Variants in CPAMD8 observed in about 807,000 individuals in gnomAD.
CPAMD8 encodes the protein C3 and PZP-like alpha-2-macroglobulin domain-containing protein 8.
CPAMD8 carries 146 observed loss-of-function variants against 224.7 expected under a neutral mutation model. The observed-to-expected ratio is 0.65, with a 90% CI of 0.57 to 0.75. CPAMD8 has a LOEUF of 0.75. CPAMD8 is among the 30% of genes least tolerant of loss of function. The pLI, the probability that CPAMD8 is intolerant of heterozygous loss-of-function variation, is 0.00. For missense variants in CPAMD8, 2,301 were observed against 2,537.5 expected (o/e 0.91, Z 2.00); for synonymous variants, 966 against 1,044.6 (o/e 0.92, Z 1.45).
rs567810931 is a variant in CPAMD8, at chr19:16,909,248, T to C, written c.3862-2131A>G. Among the ~76,000 whole-genome samples, 13 of 152,246 alleles carry C rather than the reference T, an allele frequency of 8.5e-5. No individual in the cohort carries two copies. The East Asian group carries it at 2.3e-3, about 27-fold the overall frequency. On this transcript the variant is annotated intron_variant, in intron 29 of 41. Coordinates refer to ENST00000443236, the MANE Select transcript of CPAMD8 (RefSeq NM_015692.5). ...CCTCAAATCCAATGACAAATATCTT[T>C]AAAAAATTTTTTTTGGCTGGGCACG...
At chr19:16,895,899 GCA>G (rs753004570) in intron 41 of CPAMD8, 30 of 546,128 alleles carry the variant, frequency 5.5e-5, no homozygotes, top group Non-Finnish European at 8.2e-5. Context: ...GCGCGCGCGC[GCA>G]CGCACACACA....
chr19:17,002,478 TCCACACCACTCTGCTGAGCAGC>T, intron 8 of CPAMD8, 128 bp from the exon 9 acceptor site: 1 of 622,560 alleles, frequency 1.6e-6, no homozygotes, highest in Non-Finnish European at 3.0e-6. Flanking sequence ...ACTGTACCCA[TCCACACCACTCTGCTGAGCAGC>T]CCTGGGGATT....
intron 23 of CPAMD8, among the ~76,000 whole-genome samples, chr19:16,930,612 G>A (rs1286030943): frequency 6.6e-6 from 1 of 152,122 alleles, no homozygotes; most frequent in Non-Finnish European, 1.5e-5. Flanking sequence ...AAGGGTGAGT[G>A]AACCCCCGTG....
At chr19:16,910,739 G>C (rs1363832651) in intron 29 of CPAMD8, 1 of 152,878 alleles carries the variant, frequency 6.5e-6, no homozygotes, top group Non-Finnish European at 1.5e-5. Flanking sequence ...TCCTGCCTCA[G>C]CCTCCCGAGT....
chr19:17,000,937 CTA>C (rs1397003820), intron 9 of CPAMD8, among the ~76,000 whole-genome samples: 4 of 152,204 alleles, frequency 2.6e-5, no homozygotes, highest in African/African-American at 9.6e-5. Flanking sequence ...GGGACTCAAA[CTA>C]CCCTCTCAGG....
At chr19:16,911,592 C>T (rs2052730699) in intron 29 of CPAMD8, among the ~76,000 whole-genome samples, 1 of 152,098 alleles carries the variant, frequency 6.6e-6, no homozygotes, top group Non-Finnish European at 1.5e-5. Context: ...CTTGCCCGGG[C>T]TGGAGTGCAG....
chr19:16,947,085 T>C lies in CPAMD8; in HGVS notation c.2651A>G (p.Asn884Ser), dbSNP rs369795684. The C allele has an allele frequency of 3.9e-5, 62 of 1,609,008 alleles. No individual in the cohort carries two copies. The highest frequency in any genetic ancestry group is 4.8e-5 in the Non-Finnish European group (57 of 1,177,180). The change falls in exon 21 of 42, where the codon AAC becomes AGC. Residue 884 changes from asparagine (N) to serine (S), a missense_variant. Physicochemically the swap from Asn to Ser is conservative, Grantham distance 46. This residue lies in a region of CPAMD8 where 1,709 missense variants were observed against 1,753.2 expected (regional missense o/e 0.97). Transcript: ENST00000443236. ...VVLSFSDLGL[N>S]NITAKALAYG... is the part of the protein sequence containing the mutation. ...TGTGGGGTCCTCACCCGTGATGTTGTTGAGTCCCAGGTCGCTGAAGGACAG... is the reference window on the plus strand; with the variant it reads ...TGTGGGGTCCTCACCCGTGATGTTGCTGAGTCCCAGGTCGCTGAAGGACAG...
intron 13 of CPAMD8, 104 bp downstream of exon 13, chr19:16,989,539 G>C (rs918868292): frequency 2.1e-6 from 3 of 1,401,402 alleles, no homozygotes; most frequent in East Asian, 2.4e-5. Flanking sequence ...CGCCTGCCTC[G>C]GCCTCCCAAA....
At chr19:16,904,176 A>ACCCCCCCCCCCCCCCCCCCACCCCC in intron 32 of CPAMD8, 50 bp downstream of exon 32, 1 of 937,340 alleles carries the variant, frequency 1.1e-6, no homozygotes, top group Non-Finnish European at 1.7e-6. Context: ...GACTGCAGGG[A>ACCCCCCCCCCCCCCCCCCCACCCCC]CCCCACCCAC....
intron 5 of CPAMD8, among the ~76,000 whole-genome samples, chr19:17,010,616 G>C (rs2056618923): frequency 6.6e-6 from 1 of 152,092 alleles, no homozygotes; most frequent in Non-Finnish European, 1.5e-5. Context: ...CAGGCCAAGT[G>C]TTCAGGGCCA....
At chr19:16,982,085 G>A (rs4808060) in intron 13 of CPAMD8, among the ~76,000 whole-genome samples, 61,252 of 151,950 alleles carry the variant, frequency 0.4, 13,437 homozygotes, top group African/African-American at 0.59. Flanking sequence ...GTGAGATCCC[G>A]TCTCTACAAA....
chr19:16,895,483 A>T (rs759828234), intron 41 of CPAMD8: 2 of 186,160 alleles, frequency 1.1e-5, no homozygotes, highest in Non-Finnish European at 2.3e-5. Flanking sequence ...TAACAAAATT[A>T]CAGACGGGTA....
At chr19:16,940,546 ACAGT>A (rs2053853421) in intron 22 of CPAMD8, among the ~76,000 whole-genome samples, 1 of 152,136 alleles carries the variant, frequency 6.6e-6, no homozygotes, top group African/African-American at 2.4e-5. Flanking sequence ...AGTGCTACTG[ACAGT>A]CAGTTCTTGT....
chr19:16,950,794 A>G (rs1394183926), intron 20 of CPAMD8, among the ~76,000 whole-genome samples: 2 of 110,734 alleles, frequency 1.8e-5, no homozygotes, highest in East Asian at 2.2e-4. Flanking sequence ...CCCTGTCTCG[A>G]AAAAAAAAAA....
intron 9 of CPAMD8, among the ~76,000 whole-genome samples, chr19:17,001,770 C>T (rs1044114736): frequency 1.6e-5 from 2 of 123,150 alleles, no homozygotes; most frequent in Admixed American, 8.7e-5. Context: ...GGGGGAAGCC[C>T]GGTTGTTGGG....
chr19:16,906,354 CTTTCTTT>C (rs1388371632), intron 30 of CPAMD8, among the ~76,000 whole-genome samples: 1 of 32,048 alleles, frequency 3.1e-5, no homozygotes, highest in Non-Finnish European at 6.4e-5. Context: ...TTCTTTCTTT[CTTTCTTT>C]CTTTCTTTCT....
intron 21 of CPAMD8, 146 bp from the exon 22 acceptor site, chr19:16,945,825 A>G (rs2054056080): frequency 1.3e-6 from 1 of 761,706 alleles, no homozygotes; most frequent in South Asian, 1.6e-5. Context: ...GTGTGCATGC[A>G]TGCAAGTGTG....
intron 10 of CPAMD8, 118 bp from the exon 11 acceptor site, chr19:16,997,456 A>T: frequency 8.9e-6 from 6 of 677,460 alleles, no homozygotes; most frequent in Non-Finnish European, 8.2e-6. Flanking sequence ...GCCAGGGGTC[A>T]CTTGGTGGCA....
intron 30 of CPAMD8, among the ~76,000 whole-genome samples, chr19:16,905,569 G>GAAA (rs397955787): frequency 2.9e-4 from 27 of 92,688 alleles, no homozygotes; most frequent in African/African-American, 4.8e-4. Context: ...AGGAAGAAAA[G>GAAA]AAAAAAAAAA....
Sources: allele counts gnomAD v4.1 joint callset (sites outside exome capture counted in the v4.1 genomes callset), GRCh38; gene constraint gnomAD v4.1.1; regional missense constraint gnomAD v4.1.1; transcripts MANE v1.5; gene names NCBI Gene and HGNC (gene_info 2026-07-23, HGNC 2026-07-21).